The following CCDC93 variants were observed in gnomAD, a reference collection of about 807,000 sequenced individuals.
The protein encoded by CCDC93 is CCC complex scaffolding subunit CCDC93.
Under a neutral mutation model 108.2 loss-of-function variants are expected in CCDC93, and 61 were observed. That is an observed-to-expected ratio of 0.56 (90% confidence interval 0.46 to 0.70). The LOEUF (loss-of-function observed/expected upper bound fraction) is 0.70, where lower values mean the gene tolerates loss of function less well. CCDC93 is among the 30% of genes least tolerant of loss of function. The probability of loss-of-function intolerance (pLI) is 0.00; values close to 1 mark genes in which losing one functional copy is unlikely to be tolerated. For synonymous variants in CCDC93, 276 were observed against 260.4 expected, an observed-to-expected ratio of 1.06 and a Z score of -0.58; for missense variants, 685 against 764.2, an observed-to-expected ratio of 0.90 and a Z score of 1.22.
chr2:117,967,279 C>A (rs991718331), intron 11 of CCDC93, among the ~76,000 whole-genome samples: 4 of 152,256 alleles, frequency 2.6e-5, no homozygotes, highest in Non-Finnish European at 5.9e-5. Flanking sequence ...AGGCGTGAGC[C>A]ACCATGCCTA....
intron 11 of CCDC93, among the ~76,000 whole-genome samples, chr2:117,966,765 A>C (rs989366478): frequency 6.6e-6 from 1 of 152,260 alleles, no homozygotes; most frequent in Admixed American, 6.5e-5. Context: ...CTCTGGAAAG[A>C]TATGACTTCA....
intron 3 of CCDC93, among the ~76,000 whole-genome samples, chr2:118,002,761 G>A (rs1676743759): frequency 6.6e-6 from 1 of 152,172 alleles, no homozygotes; most frequent in African/African-American, 2.4e-5. Flanking sequence ...AGAGGGGCCA[G>A]GCATGGTAGC....
intron 22 of CCDC93, among the ~76,000 whole-genome samples, chr2:117,932,843 T>C (rs1028372238): frequency 6.6e-6 from 1 of 152,224 alleles, no homozygotes; most frequent in Non-Finnish European, 1.5e-5. Flanking sequence ...GCAGACATCT[T>C]TTCTGCTGCA....
Position 117,917,236 on chromosome 2 carries a change from T to C in CCDC93, c.*3107A>G, listed in dbSNP as rs982829165. 5.9e-5 allele frequency: 9 copies of C among 152,650 alleles called. No individual in the cohort carries two copies. Among genetic ancestry groups the C allele is most frequent in the African/African-American group, 1.9e-4 (8 of 41,428 alleles). 9.5% of individuals were successfully genotyped at this position (152,650 alleles called of 1,614,324 possible). A position where few individuals can be genotyped will look rare whatever the true frequency, so the allele number is the denominator to read the frequency against. On this transcript the variant is annotated 3_prime_UTR_variant, in exon 24 of 24. Coordinates refer to ENST00000376300, the MANE Select transcript of CCDC93 (RefSeq NM_019044.5). ...CAGGGCTCACTGTCCGGAGTGCCCT[T>C]TCAGGCAGGTCTGCTTCGGTCACTA...
At chr2:117,996,467 G>C in intron 4 of CCDC93, 105 bp from the exon 5 acceptor site, 1 of 736,544 alleles carries the variant, frequency 1.4e-6, no homozygotes, top group Non-Finnish European at 2.4e-6. Context: ...CAGCATAGTT[G>C]AACTGACTAG....
Position 117,919,172 on chromosome 2 carries a change from C to G in CCDC93, c.*1171G>C, listed in dbSNP as rs770457484. 3.9e-5 allele frequency: 6 copies of G among 152,234 alleles called. No homozygotes were observed. Among genetic ancestry groups the G allele is most frequent in the Non-Finnish European group, 8.8e-5 (6 of 68,110 alleles). The allele number at this position is 152,234 out of a possible 1,614,324, so 9.4% of individuals were successfully genotyped here. A position where few individuals can be genotyped will look rare whatever the true frequency, so the allele number is the denominator to read the frequency against. On this transcript the variant is annotated 3_prime_UTR_variant, in exon 24 of 24. Coordinates refer to ENST00000376300, the MANE Select transcript of CCDC93 (RefSeq NM_019044.5). The stretch of plus-strand genomic sequence containing the variant: ...TCATTTCCAAGGATTAAAATCAACC[C>G]TCAGCTGCCCTTCAAGGCCCTCCAA...
chr2:117,959,185 G>A (rs1450150692), intron 11 of CCDC93, among the ~76,000 whole-genome samples: 2 of 152,154 alleles, frequency 1.3e-5, no homozygotes, highest in Non-Finnish European at 2.9e-5. Context: ...GGCCATTCCT[G>A]AAAAACCACA....
chr2:117,981,426 C>T (rs1389464397), intron 7 of CCDC93, among the ~76,000 whole-genome samples: 1 of 152,188 alleles, frequency 6.6e-6, no homozygotes, highest in East Asian at 1.9e-4. Context: ...TGCCCGTTTC[C>T]CCCAAGTGAC....
chr2:117,998,277 G>T (rs1680730406), intron 4 of CCDC93: 1 of 152,174 alleles, frequency 6.6e-6, no homozygotes, highest in Admixed American at 6.5e-5. Flanking sequence ...GTAGGTCAAT[G>T]GCTTACAACT....
chr2:117,935,512 TA>T lies in CCDC93; in HGVS notation c.1710del (p.Lys571SerfsTer5). ...LRQMEQIVEG[I>X]KQSRMKMEKK... Reference sequence around the variant, plus strand: ...CATCTGACCTTCATTCTACTTTGCTTAATTCCTTCCACAATCTGTTCCATCT... The same window carrying T: ...CATCTGACCTTCATTCTACTTTGCTTATTCCTTCCACAATCTGTTCCATCT... On this transcript the variant is annotated frameshift_variant, in exon 22 of 24. Coordinates refer to ENST00000376300, the MANE Select transcript of CCDC93 (RefSeq NM_019044.5). LOFTEE classifies it high-confidence loss of function. 1 of 1,613,574 alleles carries T rather than the reference TA, an allele frequency of 6.2e-7. No homozygotes were observed. Among genetic ancestry groups the T allele is most frequent in the Non-Finnish European group, 8.5e-7 (1 of 1,179,574 alleles).
intron 6 of CCDC93, among the ~76,000 whole-genome samples, chr2:117,987,024 ATTC>A (rs1214450629): frequency 2.3e-5 from 3 of 129,824 alleles, no homozygotes; most frequent in Non-Finnish European, 4.9e-5. Context: ...AAGAAATTGG[ATTC>A]TTCTATTAAA....
chr2:117,990,633 G>A (rs1169874475), intron 6 of CCDC93, among the ~76,000 whole-genome samples: 28 of 144,270 alleles, frequency 1.9e-4, no homozygotes, highest in Non-Finnish European at 2.4e-4. Context: ...GCCAAGTGAA[G>A]AAAAAAAAAA....
At chr2:117,939,668 T>C (rs1678637619) in intron 19 of CCDC93, among the ~76,000 whole-genome samples, 1 of 152,192 alleles carries the variant, frequency 6.6e-6, no homozygotes, top group Admixed American at 6.6e-5. Context: ...CTCTGATCAT[T>C]TGAGTCCAGT....
chr2:117,949,442 G>A (rs767767570), intron 13 of CCDC93, 47 bp from the exon 14 acceptor site: 12 of 1,328,630 alleles, frequency 9.0e-6, no homozygotes, highest in Non-Finnish European at 1.3e-5. Context: ...TGGTAGCAGA[G>A]GTGAACAACT....
At chr2:117,961,734 G>C (rs1679402049) in intron 11 of CCDC93, among the ~76,000 whole-genome samples, 1 of 152,194 alleles carries the variant, frequency 6.6e-6, no homozygotes, top group Non-Finnish European at 1.5e-5. Context: ...GGTGGATTTT[G>C]AATGATGAGA....
intron 11 of CCDC93, among the ~76,000 whole-genome samples, chr2:117,964,713 C>T (rs549256862): frequency 1.3e-5 from 2 of 152,244 alleles, no homozygotes; most frequent in South Asian, 4.2e-4. Flanking sequence ...ATCCTCCTGC[C>T]TCTGCCTCCC....
intron 8 of CCDC93, among the ~76,000 whole-genome samples, chr2:117,977,599 A>G (rs1679983387): frequency 6.6e-6 from 1 of 152,226 alleles, no homozygotes; most frequent in African/African-American, 2.4e-5. Context: ...TGGCTGTTTC[A>G]GCAGAGGGCA....
In CCDC93 at chr2:117,997,954, T is replaced by G. The variant is rs549155386; in HGVS notation, c.364-1592A>C. ...CCTGAGTTACAGCCTGGCTGGATCC[T>G]GGAGAGCATGATCCCATTATGAAGG... On this transcript the variant is annotated intron_variant, in intron 4 of 23. Coordinates refer to ENST00000376300, the MANE Select transcript of CCDC93 (RefSeq NM_019044.5). The G allele has an allele frequency of 2.6e-5, 4 of 152,388 alleles. No individual in the cohort carries two copies. The South Asian group carries it at 8.3e-4, about 32-fold the overall frequency. 9.4% of individuals were successfully genotyped at this position (152,388 alleles called of 1,614,324 possible).
chr2:118,000,698 C>G (rs918235975), intron 4 of CCDC93, 123 bp downstream of exon 4: 7 of 629,764 alleles, frequency 1.1e-5, no homozygotes, highest in African/African-American at 7.4e-5. Context: ...TTCTGCTGTA[C>G]CAAATCTAAG....
Sources: gnomAD v4.1 joint callset for allele counts (sites outside exome capture counted in the v4.1 genomes callset) on GRCh38, gnomAD v4.1.1 for gene constraint, MANE v1.5 for transcripts, NCBI Gene and HGNC (gene_info 2026-07-23, HGNC 2026-07-21) for gene names.